The following TMPRSS15 variants were observed in gnomAD, a reference collection of about 807,000 sequenced individuals.
The protein encoded by TMPRSS15 is transmembrane serine protease 15.
Under a neutral mutation model 125.3 loss-of-function variants are expected in TMPRSS15, and 128 were observed. That is an observed-to-expected ratio of 1.02 (90% CI 0.89 to 1.18). The LOEUF is 1.18. TMPRSS15 is among the 50% of genes most tolerant of loss of function. The pLI, the probability that TMPRSS15 is intolerant of heterozygous loss-of-function variation, is 0.00. For missense variants in TMPRSS15, 1,283 were observed against 1,212.7 expected, an observed-to-expected ratio of 1.06 and a Z score of -0.86; for synonymous variants, 446 against 423.2, an observed-to-expected ratio of 1.05 and a Z score of -0.66.
intron 1 of TMPRSS15, among the ~76,000 whole-genome samples, chr21:18,422,287 T>G (rs1215247837): frequency 2.0e-5 from 3 of 152,036 alleles, no homozygotes; most frequent in Non-Finnish European, 4.4e-5. Context: ...CCCCCAGCCC[T>G]GAAGGCAAGT....
chr21:18,398,448 T>C, intron 1 of TMPRSS15, 119 bp from the exon 2 acceptor site: 1 of 1,037,420 alleles, frequency 9.6e-7, no homozygotes, highest in South Asian at 1.4e-5. Flanking sequence ...TCTGTAGTTC[T>C]TGCTTTTTCT....
At position 18,330,737 on chromosome 21, in the gene TMPRSS15, G is replaced by C. The variant is rs74656692; in HGVS notation, c.1654+1347C>G. On this transcript the variant is annotated intron_variant, in intron 14 of 24. Coordinates refer to ENST00000284885, the MANE Select transcript of TMPRSS15 (RefSeq NM_002772.3). Reference sequence around the variant, plus strand: ...AAATTGTTTAAATGTTCCACTTCTTGTTGGATTTTTCAGATTATCACTTTG... The same window carrying C: ...AAATTGTTTAAATGTTCCACTTCTTCTTGGATTTTTCAGATTATCACTTTG... Among the ~76,000 whole-genome samples, 1,286 of 152,146 alleles carry C rather than the reference G, an allele frequency of 8.5e-3. 15 individuals are homozygous for C. Among genetic ancestry groups the C allele is most frequent in the African/African-American group, 0.029 (1,215 of 41,498 alleles).
chr21:18,371,806 A>C (rs1263791441), intron 6 of TMPRSS15, among the ~76,000 whole-genome samples: 1 of 152,120 alleles, frequency 6.6e-6, no homozygotes, highest in Non-Finnish European at 1.5e-5. Context: ...ATTAGTAAGA[A>C]GTGAGAATGT....
chr21:18,435,636 C>T (rs2076226112), intron 1 of TMPRSS15, among the ~76,000 whole-genome samples: 1 of 152,142 alleles, frequency 6.6e-6, no homozygotes, highest in Non-Finnish European at 1.5e-5. Context: ...CAGGATGATG[C>T]TGGCCTCATA....
intron 7 of TMPRSS15, among the ~76,000 whole-genome samples, chr21:18,361,279 C>T (rs1445839058): frequency 6.6e-6 from 1 of 152,054 alleles, no homozygotes; most frequent in East Asian, 1.9e-4. Flanking sequence ...CCTCCAAGTG[C>T]TTTGTAAGTA....
intron 6 of TMPRSS15, among the ~76,000 whole-genome samples, chr21:18,367,192 C>G (rs9983501): frequency 3.3e-5 from 5 of 151,742 alleles, no homozygotes; most frequent in African/African-American, 1.2e-4. Context: ...GAAAAGATAA[C>G]AAGTCAAGAA....
At chr21:18,406,958 G>C (rs180867791), upstream of TMPRSS15, among the ~76,000 whole-genome samples, 1 of 152,248 alleles carries the variant, frequency 6.6e-6, no homozygotes, top group Admixed American at 6.5e-5. Flanking sequence ...CAAGTTTAAA[G>C]TACATGAACT....
At chr21:18,396,353 C>G (rs1329033345) in intron 3 of TMPRSS15, among the ~76,000 whole-genome samples, 2 of 152,140 alleles carry the variant, frequency 1.3e-5, no homozygotes, top group Non-Finnish European at 2.9e-5. Context: ...TCCATTCAAA[C>G]ACATTCCCCA....
intron 8 of TMPRSS15, among the ~76,000 whole-genome samples, chr21:18,357,817 A>G (rs2075640390): frequency 6.6e-6 from 1 of 151,830 alleles, no homozygotes; most frequent in African/African-American, 2.4e-5. Flanking sequence ...AGTTTCTACA[A>G]TACACCAGAC....
At chr21:18,363,519 A>G (rs2075697031) in intron 7 of TMPRSS15, among the ~76,000 whole-genome samples, 1 of 151,576 alleles carries the variant, frequency 6.6e-6, no homozygotes, top group Non-Finnish European at 1.5e-5. Flanking sequence ...TAAAATTTCA[A>G]AGATTGCATA....
At chr21:18,485,336 AC>A (rs1348383679) in intron 1 of TMPRSS15, among the ~76,000 whole-genome samples, 1 of 151,822 alleles carries the variant, frequency 6.6e-6, no homozygotes, top group Admixed American at 6.6e-5. Context: ...ATTAGCTAAG[AC>A]CCTCAGTTCA....
chr21:18,471,818 T>C (rs538201659), intron 1 of TMPRSS15, among the ~76,000 whole-genome samples: 8 of 146,472 alleles, frequency 5.5e-5, no homozygotes, highest in African/African-American at 1.5e-4. Flanking sequence ...GAAATGGTTT[T>C]ATAGCTTGGC....
At position 18,440,386 on chromosome 21, in the gene TMPRSS15, A is replaced by AAAAAAAAAG. The variant is rs557806642; in HGVS notation, c.11-42058_11-42057insCTTTTTTTT. ...AAACTCCGTCTCAAAAAAAAAAAAA[A>AAAAAAAAAG]AAAGAAAACTGTAGTGATGTGTATT... is the stretch of plus-strand genomic sequence containing the variant. On this transcript the variant is annotated intron_variant, in intron 1 of 7. Transcript: ENST00000422787. 2.2e-5 allele frequency among the ~76,000 whole-genome samples: 3 copies of AAAAAAAAAG among 133,526 alleles called. 1 individual carries two copies. The allele number at this position is 133,526 out of a possible 152,430, so 87.6% of individuals were successfully genotyped here.
chr21:18,310,375 T>C (rs1568998714), intron 18 of TMPRSS15, among the ~76,000 whole-genome samples: 1 of 151,592 alleles, frequency 6.6e-6, no homozygotes, highest in Non-Finnish European at 1.5e-5. Context: ...GGATACAAAA[T>C]AAACAAAACA....
chr21:18,413,197 TTCCC>T (rs150292598), intron 1 of TMPRSS15, among the ~76,000 whole-genome samples: 40 of 151,794 alleles, frequency 2.6e-4, no homozygotes, highest in African/African-American at 9.4e-4. Context: ...CCTTCCTGCC[TTCCC>T]TCCCTCCCTC....
intron 16 of TMPRSS15, among the ~76,000 whole-genome samples, chr21:18,320,752 A>G (rs1474513149): frequency 6.6e-6 from 1 of 152,186 alleles, no homozygotes; most frequent in Admixed American, 6.5e-5. Flanking sequence ...CTCTTTCAAA[A>G]TTTTCCTTAC....
rs565884316 is a variant in TMPRSS15 at position 18,403,743 on chromosome 21, T to C, written c.-121A>G. On this transcript the variant is annotated 5_prime_UTR_variant, in exon 1 of 25. The change abolishes an upstream ATG in the 5' untranslated region. Coordinates refer to ENST00000284885, the MANE Select transcript of TMPRSS15 (RefSeq NM_002772.3). Reference sequence around the variant, plus strand: ...GTAAAGCAACAACCACCTGTCTACATGCATACCAGTCAGTGTAAGTGAGTT... The same window carrying C: ...GTAAAGCAACAACCACCTGTCTACACGCATACCAGTCAGTGTAAGTGAGTT... 13 of 1,222,446 alleles carry C rather than the reference T, an allele frequency of 1.1e-5. No individual in the cohort carries two copies. The East Asian group carries it at 2.0e-4, about 19-fold the overall frequency. The allele number at this position is 1,222,446 out of a possible 1,614,324, so 75.7% of individuals were successfully genotyped here.
chr21:18,357,961 T>C (rs1191952826), intron 8 of TMPRSS15, among the ~76,000 whole-genome samples: 2 of 151,820 alleles, frequency 1.3e-5, no homozygotes, highest in Non-Finnish European at 2.9e-5. Context: ...TTTTCAAAAC[T>C]TTAAAATAAA....
intron 8 of TMPRSS15, among the ~76,000 whole-genome samples, chr21:18,358,289 T>A (rs1413345246): frequency 6.6e-6 from 1 of 151,882 alleles, no homozygotes; most frequent in Non-Finnish European, 1.5e-5. Context: ...GGGATGATAA[T>A]ATCACCTACA....
Sources: gnomAD v4.1 joint callset for allele counts (sites outside exome capture counted in the v4.1 genomes callset) on GRCh38, gnomAD v4.1.1 for gene constraint, MANE v1.5 for transcripts, NCBI Gene and HGNC (gene_info 2026-07-23, HGNC 2026-07-21) for gene names.